Variants in DLG2 observed in about 807,000 individuals in gnomAD.
The protein encoded by DLG2 is discs large MAGUK scaffold protein 2.
A neutral mutation model predicts 132.5 loss-of-function variants in DLG2; 45 were observed. That is an observed-to-expected ratio of 0.34 (90% CI 0.27 to 0.44). The LOEUF is 0.44. Among genes scored for constraint, DLG2 ranks in the 20% least tolerant of loss-of-function variants. The probability of loss-of-function intolerance (pLI) is 1.00; values close to 1 mark genes in which losing one functional copy is unlikely to be tolerated. For synonymous variants in DLG2, 424 were observed against 419.6 expected (o/e 1.01, Z -0.13); for missense variants, 1,045 against 1,196.9 (o/e 0.87, Z 1.87).
rs376987206 is a variant in DLG2, at chr11:84,640,044, G to A, written c.358-105313C>T. The A allele has an allele frequency of 1.3e-4, 35 of 278,834 alleles. 1 individual carries two copies. In the East Asian group the frequency reaches 1.7e-3, roughly 14 times the overall value. 17.3% of individuals were successfully genotyped at this position (278,834 alleles called of 1,614,324 possible). A position where few individuals can be genotyped will look rare whatever the true frequency, so the allele number is the denominator to read the frequency against. On this transcript the variant is annotated intron_variant, in intron 6 of 27. Transcript: ENST00000376104. ...TGTCGGCACTCCAGAAAATGTCAAC[G>A]TTACTCTGAAGGGACACACAGTTAT...
chr11:84,823,748 TG>T (rs1429372745), intron 6 of DLG2, among the ~76,000 whole-genome samples: 1 of 151,904 alleles, frequency 6.6e-6, no homozygotes, highest in Non-Finnish European at 1.5e-5. Flanking sequence ...CTGGGATTTT[TG>T]TTTGTTTCGT....
intron 9 of DLG2, among the ~76,000 whole-genome samples, chr11:84,120,308 G>T (rs952046023): frequency 2.6e-5 from 4 of 152,032 alleles, no homozygotes; most frequent in Non-Finnish European, 5.9e-5. Context: ...TGGAAAAAAG[G>T]GTAGGCATTG....
chr11:84,990,342 G>T (rs894581500), intron 6 of DLG2, among the ~76,000 whole-genome samples: 10 of 152,126 alleles, frequency 6.6e-5, no homozygotes, highest in African/African-American at 2.4e-4. Context: ...GCCTTTAGAG[G>T]TGATTACATC....
intron 7 of DLG2, among the ~76,000 whole-genome samples, chr11:84,409,244 C>G (rs1207037466): frequency 2.0e-5 from 3 of 152,160 alleles, no homozygotes; most frequent in Non-Finnish European, 4.4e-5. Context: ...AGCCATTTAG[C>G]AATTAGGATG....
chr11:84,214,189 G>T (rs2096797394), intron 8 of DLG2, among the ~76,000 whole-genome samples: 1 of 132,390 alleles, frequency 7.6e-6, no homozygotes, highest in Admixed American at 7.1e-5. Context: ...CAAAACTAGG[G>T]TCTTCATATA....
intron 6 of DLG2, among the ~76,000 whole-genome samples, chr11:84,858,921 G>A (rs1467667976): frequency 6.6e-6 from 1 of 151,976 alleles, no homozygotes; most frequent in Non-Finnish European, 1.5e-5. Flanking sequence ...AAGAGGAGAG[G>A]AAGCAGATAA....
At chr11:84,825,095 C>G (rs1283543271) in intron 6 of DLG2, among the ~76,000 whole-genome samples, 2 of 151,846 alleles carry the variant, frequency 1.3e-5, no homozygotes, top group African/African-American at 4.8e-5. Context: ...TTCTGAGAGA[C>G]AGTCTCCGGG....
rs2041447549 is a variant in DLG2 at position 83,791,158 on chromosome 11, A to G, written c.1723-4366T>C. On this transcript the variant is annotated intron_variant, in intron 17 of 27. Transcript: ENST00000376104. ...TCTCCTCAGAGTTTGTGGGTCGAAG[A>G]GGCCATGGCATGGGACTGCAGTGAT... 6 of 642,038 alleles carry G rather than the reference A, an allele frequency of 9.3e-6. No individual in the cohort carries two copies. In the Admixed American group the frequency reaches 1.0e-4, roughly 11 times the overall value. 39.8% of individuals were successfully genotyped at this position (642,038 alleles called of 1,614,324 possible).
Position 85,624,053 on chromosome 11 carries a change from C to A in DLG2, c.-93+2534G>T, listed in dbSNP as rs183175922. 2.0e-5 allele frequency among the ~76,000 whole-genome samples: 3 copies of A among 152,054 alleles called. No individual in the cohort carries two copies. The East Asian group carries it at 5.8e-4, about 29-fold the overall frequency. On this transcript the variant is annotated intron_variant, in intron 2 of 27. Transcript: ENST00000376104. ...AGATAAGAAAATCTTGAATGAAAAG[C>A]AACTGCTGAGGAAAAAAAACCTTCT...
intron 4 of DLG2, among the ~76,000 whole-genome samples, chr11:85,189,394 A>T (rs1463790291): frequency 6.6e-6 from 1 of 152,242 alleles, no homozygotes; most frequent in Non-Finnish European, 1.5e-5. Flanking sequence ...TATCTATTCA[A>T]TGGAATGCTA....
intron 16 of DLG2, among the ~76,000 whole-genome samples, chr11:83,856,404 C>A (rs1477742046): frequency 1.3e-5 from 2 of 152,178 alleles, no homozygotes; most frequent in African/African-American, 4.8e-5. Context: ...TGAGGAATTG[C>A]CACACTGCTT....
At chr11:83,987,427 T>C (rs1360124989) in intron 11 of DLG2, among the ~76,000 whole-genome samples, 25 of 152,198 alleles carry the variant, frequency 1.6e-4, no homozygotes, top group Non-Finnish European at 3.2e-4. Context: ...GGAGGCATCT[T>C]GCTACCTGAC....
At chr11:84,968,820 A>G (rs1043963196) in intron 6 of DLG2, among the ~76,000 whole-genome samples, 1 of 152,156 alleles carries the variant, frequency 6.6e-6, no homozygotes, top group Non-Finnish European at 1.5e-5. Context: ...TGAGATTACA[A>G]CACACTCCTT....
intron 15 of DLG2, among the ~76,000 whole-genome samples, chr11:83,888,572 AC>A (rs2068668981): frequency 6.6e-6 from 1 of 152,312 alleles, no homozygotes; most frequent in East Asian, 1.9e-4. Context: ...GCTACCAATG[AC>A]TTTCTTCACA....
intron 9 of DLG2, among the ~76,000 whole-genome samples, chr11:84,110,240 G>A (rs1025641181): frequency 2.6e-5 from 4 of 152,092 alleles, no homozygotes; most frequent in South Asian, 2.1e-4. Flanking sequence ...ACAGAAGTGC[G>A]GGTTGAGAAC....
intron 21 of DLG2, among the ~76,000 whole-genome samples, chr11:83,529,843 A>G (rs2095694263): frequency 6.6e-6 from 1 of 152,088 alleles, no homozygotes; most frequent in South Asian, 2.1e-4. Context: ...TCAATAGCGA[A>G]GTCCTATAAT....
intron 6 of DLG2, among the ~76,000 whole-genome samples, chr11:84,781,326 G>A (rs898316378): frequency 6.6e-6 from 1 of 151,884 alleles, no homozygotes; most frequent in African/African-American, 2.4e-5. Context: ...TATATTTTCT[G>A]GAATACCTGT....
At chr11:85,600,356 A>G (rs1003739217) in intron 2 of DLG2, among the ~76,000 whole-genome samples, 1 of 152,206 alleles carries the variant, frequency 6.6e-6, no homozygotes, top group African/African-American at 2.4e-5. Flanking sequence ...CATAAGCATC[A>G]TTTGATATTG....
chr11:84,672,250 G>T (rs2099706698), intron 6 of DLG2, among the ~76,000 whole-genome samples: 1 of 152,082 alleles, frequency 6.6e-6, no homozygotes, highest in South Asian at 2.1e-4. Context: ...AGAACAGAAA[G>T]CTTCTTCAAG....
Sources: gnomAD v4.1 joint callset for allele counts (sites outside exome capture counted in the v4.1 genomes callset) on GRCh38, gnomAD v4.1.1 for gene constraint, MANE v1.5 for transcripts, NCBI Gene and HGNC (gene_info 2026-07-23, HGNC 2026-07-21) for gene names.